SMARCA5: variants seen among roughly 807,000 people sequenced by gnomAD.
SMARCA5 encodes SWI/SNF-related matrix-associated actin-dependent regulator of chromatin subfamily A member 5.
In SMARCA5, 18 loss-of-function variants were observed where a neutral mutation model predicts 140.4. That is an observed-to-expected ratio of 0.13 (90% CI 0.09 to 0.19). SMARCA5 has a LOEUF of 0.19. SMARCA5 is among the 10% of genes least tolerant of loss of function. The pLI is 1.00. For missense variants in SMARCA5, 606 were observed against 1,276.8 expected (o/e 0.47, Z 8.01); for synonymous variants, 449 against 419.6 (o/e 1.07, Z -0.86).
intron 23 of SMARCA5, among the ~76,000 whole-genome samples, chr4:143,551,976 T>C (rs1411982389): frequency 1.3e-5 from 2 of 152,046 alleles, no homozygotes; most frequent in East Asian, 1.9e-4. Context: ...TGATAAGGAT[T>C]GCATTGAATC....
Position 143,513,891 on chromosome 4 carries a change from C to T in SMARCA5, c.-34C>T. On this transcript the variant is annotated 5_prime_UTR_variant, in exon 1 of 24. Transcript: ENST00000283131. ...CCGTCCATCCCCGCCGGACTCGGGCCTCTGGCAGCAGCGGGTGACGCAGAC... is the reference window on the plus strand; with the variant it reads ...CCGTCCATCCCCGCCGGACTCGGGCTTCTGGCAGCAGCGGGTGACGCAGAC... 6.5e-7 allele frequency: 1 copy of T among 1,533,176 alleles called. No homozygotes were observed. The highest frequency in any genetic ancestry group is 8.7e-7 in the Non-Finnish European group (1 of 1,145,956). The allele number at this position is 1,533,176 out of a possible 1,614,324, so 95.0% of individuals were successfully genotyped here.
chr4:143,536,143 T>G (rs1737297797), intron 10 of SMARCA5, among the ~76,000 whole-genome samples: 1 of 152,240 alleles, frequency 6.6e-6, no homozygotes, highest in East Asian at 1.9e-4. Flanking sequence ...TTTTAAGTTT[T>G]GCTTTATTAC....
chr4:143,528,244 C>T (rs1015007323), intron 7 of SMARCA5, among the ~76,000 whole-genome samples: 2 of 152,124 alleles, frequency 1.3e-5, no homozygotes, highest in Non-Finnish European at 2.9e-5. Flanking sequence ...CTGCTTTCTC[C>T]CCACTCCCCG....
chr4:143,552,771 C>T (rs1001802293), intron 23 of SMARCA5, among the ~76,000 whole-genome samples: 4 of 151,836 alleles, frequency 2.6e-5, no homozygotes, highest in Non-Finnish European at 5.9e-5. Context: ...AAATGAGTAT[C>T]TCTGGATAAT....
intron 1 of SMARCA5, 56 bp from the exon 2 acceptor site, chr4:143,517,299 A>G: frequency 7.5e-7 from 1 of 1,326,350 alleles, no homozygotes; most frequent in South Asian, 1.3e-5. Context: ...TTGGTCTATA[A>G]TGGTATGTTT....
intron 22 of SMARCA5, 114 bp from the exon 23 acceptor site, chr4:143,549,883 A>G (rs1367914362): frequency 4.6e-6 from 2 of 438,328 alleles, no homozygotes; most frequent in Non-Finnish European, 4.2e-6. Flanking sequence ...TTTTTAAATC[A>G]GGGGTGTATT....
At chr4:143,552,461 G>A (rs1737657732) in intron 23 of SMARCA5, among the ~76,000 whole-genome samples, 1 of 152,012 alleles carries the variant, frequency 6.6e-6, no homozygotes, top group South Asian at 2.1e-4. Flanking sequence ...ACTGGGTTGT[G>A]TGGGAAAAAT....
At chr4:143,517,848 G>A (rs1736872434) in intron 2 of SMARCA5, among the ~76,000 whole-genome samples, 2 of 152,090 alleles carry the variant, frequency 1.3e-5, no homozygotes, top group African/African-American at 2.4e-5. Context: ...CCATAGCAAT[G>A]TCTGTTTAAT....
intron 17 of SMARCA5, 141 bp from the exon 18 acceptor site, chr4:143,545,329 A>C: frequency 1.5e-6 from 1 of 653,218 alleles, no homozygotes; most frequent in African/African-American, 1.9e-5. Flanking sequence ...ATTTAAAATT[A>C]AGATATAAAT....
chr4:143,545,546 A>T lies in SMARCA5; in HGVS notation c.2360A>T (p.Lys787Ile). Residue 787 changes from lysine to isoleucine, a missense_variant, in exon 18 of 24, where the codon AAA becomes ATA. This residue lies in a region of SMARCA5 where 121 missense variants were observed against 227.1 expected (regional missense o/e 0.53). Transcript: ENST00000283131. ...CCACGTTTATTTGAATTACTGGAAA[A>T]AGAAATTCTGTTTTACAGAAAAACT... Reference protein sequence around the residue: ...FPPRLFELLEKEILFYRKTIG... With the variant: ...FPPRLFELLEIEILFYRKTIG... 6.2e-7 allele frequency: 1 copy of T among 1,610,050 alleles called. No individual in the cohort carries two copies. Among genetic ancestry groups the T allele is most frequent in the Non-Finnish European group, 8.5e-7 (1 of 1,176,502 alleles).
chr4:143,535,793 T>C (rs901091656), intron 10 of SMARCA5, among the ~76,000 whole-genome samples: 3 of 152,192 alleles, frequency 2.0e-5, no homozygotes, highest in African/African-American at 7.2e-5. Flanking sequence ...TCTAAAACTT[T>C]GATGCTTAGA....
intron 23 of SMARCA5, among the ~76,000 whole-genome samples, chr4:143,550,793 TG>T (rs1737626792): frequency 6.6e-6 from 1 of 152,168 alleles, no homozygotes; most frequent in African/African-American, 2.4e-5. Context: ...TATTCTATTG[TG>T]TATACATACC....
rs754002060 is a variant in SMARCA5, at chr4:143,514,091, C to G, written c.167C>G (p.Ala56Gly). 6.5e-7 allele frequency: 1 copy of G among 1,549,946 alleles called. No homozygotes were observed. Among genetic ancestry groups the G allele is most frequent in the Non-Finnish European group, 8.7e-7 (1 of 1,156,062 alleles). Residue 56 changes from alanine (A) to glycine (G), a missense_variant, in exon 1 of 24, where the codon GCC becomes GGC. Coordinates refer to ENST00000283131, the MANE Select transcript of SMARCA5 (RefSeq NM_003601.4). Reference sequence around the variant, plus strand: ...GCGGCCAGCGCTGGTCCCGCAGACGCCGAGATGGAGGTGAGGGCGACTTGC... The same window carrying G: ...GCGGCCAGCGCTGGTCCCGCAGACGGCGAGATGGAGGTGAGGGCGACTTGC... ...ASAASAGPAD[A>G]EMEEIFDDAS...
At chr4:143,529,145 G>GGCTGGTCTCAAGCT (rs1489991348) in intron 8 of SMARCA5, among the ~76,000 whole-genome samples, 1 of 152,118 alleles carries the variant, frequency 6.6e-6, no homozygotes, top group Non-Finnish European at 1.5e-5. Flanking sequence ...ATGTTGTCCA[G>GGCTGGTCTCAAGCT]GCTGGTCTCA....
chr4:143,539,662 G>A (rs1191102863), intron 13 of SMARCA5, among the ~76,000 whole-genome samples: 1 of 151,402 alleles, frequency 6.6e-6, no homozygotes, highest in Non-Finnish European at 1.5e-5. Flanking sequence ...TCAGCCTCCC[G>A]AGTAGCTGGG....
chr4:143,526,383 C>T lies in SMARCA5; in HGVS notation c.724C>T (p.His242Tyr), dbSNP rs751762804. Residue 242 changes from histidine to tyrosine, a missense_variant, in exon 6 of 24, where the codon CAC (histidine) becomes TAC (tyrosine). Physicochemically the swap from His to Tyr is moderately conservative, Grantham distance 83 (BLOSUM62 2). This residue lies in a region of SMARCA5 where 110 missense variants were observed against 287.7 expected (regional missense o/e 0.38). Transcript: ENST00000283131. ...GGTTTTGGTTCCTAAGTCTACATTA[C>T]ACAACTGGATGAGTGAATTCAAGAG... Reference protein sequence around the residue: ...HMVLVPKSTLHNWMSEFKRWV... With the variant: ...HMVLVPKSTLYNWMSEFKRWV... 3.1e-6 allele frequency: 5 copies of T among 1,613,344 alleles called. No homozygotes were observed. The Admixed American group carries it at 6.7e-5, about 22-fold the overall frequency.
At chr4:143,527,126 T>G (rs886642493) in intron 6 of SMARCA5, among the ~76,000 whole-genome samples, 5 of 152,198 alleles carry the variant, frequency 3.3e-5, no homozygotes, top group African/African-American at 4.8e-5. Flanking sequence ...TATAGTAATT[T>G]GGTGATTTAT....
intron 9 of SMARCA5, 43 bp downstream of exon 9, chr4:143,530,569 A>G (rs1178945825): frequency 7.6e-7 from 1 of 1,321,736 alleles, no homozygotes; most frequent in Admixed American, 1.9e-5. Context: ...TATGATGGGA[A>G]AAAGGATAAA....
In SMARCA5 at chr4:143,545,698, G is replaced by GA. The variant is rs1737511092; in HGVS notation, c.2397+115_2397+116insA. 8.4e-5 allele frequency: 66 copies of GA among 785,974 alleles called. No homozygotes were observed. The East Asian group carries it at 1.5e-3, about 17-fold the overall frequency. 48.7% of individuals were successfully genotyped at this position (785,974 alleles called of 1,614,324 possible). A position where few individuals can be genotyped will look rare whatever the true frequency, so the allele number is the denominator to read the frequency against. ...CCTAGTGTGAAACAATACTGCTTTAGCCTAGTCTAGTTGTATGTATGAAAT... is the reference window on the plus strand; with the variant it reads ...CCTAGTGTGAAACAATACTGCTTTAGACCTAGTCTAGTTGTATGTATGAAAT... On this transcript the variant is annotated intron_variant, in intron 18 of 23. Coordinates refer to ENST00000283131, the MANE Select transcript of SMARCA5 (RefSeq NM_003601.4).
Sources: gnomAD v4.1 joint callset for allele counts (sites outside exome capture counted in the v4.1 genomes callset) on GRCh38, gnomAD v4.1.1 for gene constraint, gnomAD v4.1.1 regional missense constraint, MANE v1.5 for transcripts, NCBI Gene and HGNC (gene_info 2026-07-23, HGNC 2026-07-21) for gene names.